STAU2: variants seen among roughly 807,000 people sequenced by gnomAD.
The protein encoded by STAU2 is staufen double-stranded RNA binding protein 2.
STAU2 carries 20 observed loss-of-function variants against 65.9 expected under a neutral mutation model. The observed-to-expected ratio is 0.30, with a 90% CI of 0.21 to 0.44. STAU2 has a LOEUF of 0.44. STAU2 is among the 20% of genes least tolerant of loss of function. The pLI is 1.00. For missense variants in STAU2, 558 were observed against 683.9 expected, an observed-to-expected ratio of 0.82 and a Z score of 2.05; for synonymous variants, 232 against 233.9, an observed-to-expected ratio of 0.99 and a Z score of 0.07.
intron 13 of STAU2, among the ~76,000 whole-genome samples, chr8:73,542,508 CCT>C (rs1806606644): frequency 6.6e-6 from 1 of 151,876 alleles, no homozygotes; most frequent in African/African-American, 2.4e-5. Flanking sequence ...AATGGAAAAA[CCT>C]CTGTTTTTCA....
At chr8:73,445,564 G>A (rs1347470720) in intron 13 of STAU2, among the ~76,000 whole-genome samples, 1 of 152,142 alleles carries the variant, frequency 6.6e-6, no homozygotes, top group Non-Finnish European at 1.5e-5. Flanking sequence ...ATAAGAGAAG[G>A]AAAATGACAA....
At chr8:73,717,807 T>C (rs1030678470) in intron 3 of STAU2, among the ~76,000 whole-genome samples, 5 of 152,188 alleles carry the variant, frequency 3.3e-5, no homozygotes, top group African/African-American at 1.2e-4. Flanking sequence ...CTTTTAATTC[T>C]TGAAATCAGG....
chr8:73,690,129 C>A (rs1245301502), intron 4 of STAU2, among the ~76,000 whole-genome samples: 1 of 151,794 alleles, frequency 6.6e-6, no homozygotes, highest in East Asian at 1.9e-4. Context: ...GAGATTGAGA[C>A]CATCCTGGCT....
At chr8:73,498,628 T>TA (rs1243690151) in intron 13 of STAU2, among the ~76,000 whole-genome samples, 28 of 151,166 alleles carry the variant, frequency 1.9e-4, no homozygotes, top group East Asian at 7.8e-4. Flanking sequence ...GGCGCTGACA[T>TA]AAAAAGAAAA....
intron 4 of STAU2, chr8:73,697,226 A>C (rs1174496071): frequency 6.6e-6 from 1 of 152,146 alleles, no homozygotes; most frequent in Non-Finnish European, 1.5e-5. Flanking sequence ...GCTAATTGGC[A>C]GCAGACTTTT....
chr8:73,747,126 C>G (rs1807346191), upstream of STAU2, among the ~76,000 whole-genome samples: 1 of 151,898 alleles, frequency 6.6e-6, no homozygotes, highest in Non-Finnish European at 1.5e-5. Flanking sequence ...GCTGCAGGCT[C>G]TGCGGGGCTA....
At chr8:73,550,170 T>C in intron 13 of STAU2, 1 of 985,298 alleles carries the variant, frequency 1.0e-6, no homozygotes, top group Non-Finnish European at 1.2e-6. Flanking sequence ...AAATCACCTG[T>C]TTATATTCAT....
intron 13 of STAU2, among the ~76,000 whole-genome samples, chr8:73,531,348 G>A (rs1244794099): frequency 1.3e-5 from 2 of 152,184 alleles, no homozygotes; most frequent in Non-Finnish European, 2.9e-5. Context: ...GATGTGGCAA[G>A]GCACGGAGGA....
chr8:73,420,791 T>C lies in STAU2; in HGVS notation c.*581A>G, dbSNP rs1263644566. 6.4e-6 allele frequency: 1 copy of C among 155,688 alleles called. No individual in the cohort carries two copies. Among genetic ancestry groups the C allele is most frequent in the Non-Finnish European group, 1.4e-5 (1 of 70,070 alleles). The allele number at this position is 155,688 out of a possible 1,614,324, so 9.6% of individuals were successfully genotyped here. ...CAGATATCTGACCTGATTTAAAACA[T>C]GTTTGTTTGCATACATCTTTTTGTA... On this transcript the variant is annotated 3_prime_UTR_variant, in exon 15 of 15. Transcript: ENST00000524300.
intron 13 of STAU2, among the ~76,000 whole-genome samples, chr8:73,433,879 C>T (rs1328914213): frequency 6.6e-6 from 1 of 151,828 alleles, no homozygotes; most frequent in African/African-American, 2.4e-5. Flanking sequence ...GGCACATCCA[C>T]CTGCTGCTGA....
chr8:73,471,836 A>AAAG (rs1554594418), intron 13 of STAU2, among the ~76,000 whole-genome samples: 1 of 145,830 alleles, frequency 6.9e-6, no homozygotes, highest in Middle Eastern at 3.5e-3. Context: ...AAAAAAAAAA[A>AAAG]AGAGAGAAGA....
At chr8:73,605,272 G>A (rs1485813051) in intron 9 of STAU2, among the ~76,000 whole-genome samples, 2 of 147,242 alleles carry the variant, frequency 1.4e-5, no homozygotes, top group East Asian at 4.0e-4. Flanking sequence ...ACAATAAGAT[G>A]TCAATTCTCC....
At chr8:73,511,373 CCTT>C (rs1822393138) in intron 13 of STAU2, 1 of 152,838 alleles carries the variant, frequency 6.5e-6, no homozygotes, top group African/African-American at 2.4e-5. Context: ...CTAGTGGAAA[CCTT>C]CTTTGGCAAT....
chr8:73,457,453 C>T (rs1417618433), intron 13 of STAU2, among the ~76,000 whole-genome samples: 4 of 152,178 alleles, frequency 2.6e-5, no homozygotes, highest in African/African-American at 4.8e-5. Context: ...TCGAATGAAC[C>T]GCTTAGGCTT....
chr8:73,502,081 A>AT (rs576961516), intron 13 of STAU2, among the ~76,000 whole-genome samples: 24 of 151,906 alleles, frequency 1.6e-4, no homozygotes, highest in African/African-American at 5.3e-4. Context: ...TTAAAATTGG[A>AT]TTTTTTTTAT....
rs879677756 is a variant in STAU2, at chr8:73,706,257, T to C, written c.114+2775A>G. Among the ~76,000 whole-genome samples, 3 of 151,922 alleles carry C rather than the reference T, an allele frequency of 2.0e-5. No individual in the cohort carries two copies. The East Asian group carries it at 5.8e-4, about 29-fold the overall frequency. On this transcript the variant is annotated intron_variant, in intron 4 of 14. Coordinates refer to ENST00000524300, the MANE Select transcript of STAU2 (RefSeq NM_001164380.2). ...TCAGCCTCCCGAGTAGGTGGGATTATAGTCACGCACCACCACACCCCGGCT... is the reference window on the plus strand; with the variant it reads ...TCAGCCTCCCGAGTAGGTGGGATTACAGTCACGCACCACCACACCCCGGCT...
At chr8:73,588,699 A>C (rs1030715036) in intron 11 of STAU2, among the ~76,000 whole-genome samples, 2 of 152,208 alleles carry the variant, frequency 1.3e-5, no homozygotes, top group Non-Finnish European at 2.9e-5. Flanking sequence ...AGCAAAAGCT[A>C]TATGCTCCTG....
chr8:73,556,838 G>A (rs1396937002), intron 12 of STAU2, among the ~76,000 whole-genome samples: 1 of 152,036 alleles, frequency 6.6e-6, no homozygotes, highest in Non-Finnish European at 1.5e-5. Flanking sequence ...ATTGCAAAAG[G>A]GCATGAGAAA....
chr8:73,482,879 T>TACAC (rs527889878), intron 13 of STAU2, among the ~76,000 whole-genome samples: 2 of 151,454 alleles, frequency 1.3e-5, no homozygotes, highest in South Asian at 4.2e-4. Flanking sequence ...GTTCAGGTGT[T>TACAC]AAAGTACAGA....
Sources: allele counts gnomAD v4.1 joint callset (sites outside exome capture counted in the v4.1 genomes callset), GRCh38; gene constraint gnomAD v4.1.1; transcripts MANE v1.5; gene names NCBI Gene and HGNC (gene_info 2026-07-23, HGNC 2026-07-21).